The following RAB3C variants were observed in gnomAD, a reference collection of about 807,000 sequenced individuals.
RAB3C encodes the protein ras-related protein Rab-3C.
In RAB3C, 17 loss-of-function variants were observed where a neutral mutation model predicts 26.4. The observed-to-expected ratio is 0.64, with a 90% confidence interval of 0.44 to 0.97. The LOEUF is 0.97. Among genes scored for constraint, RAB3C ranks in the 50% least tolerant of loss-of-function variants. RAB3C has a pLI of 0.00. For synonymous variants in RAB3C, 91 were observed against 95.9 expected, an observed-to-expected ratio of 0.95 and a Z score of 0.30; for missense variants, 242 against 281.9, an observed-to-expected ratio of 0.86 and a Z score of 1.01.
chr5:58,591,503 C>G (rs1231486140), intron 1 of RAB3C, among the ~76,000 whole-genome samples: 1 of 151,432 alleles, frequency 6.6e-6, no homozygotes, highest in African/African-American at 2.4e-5. Context: ...TTATCTCCAG[C>G]AATACTCCTT....
intron 3 of RAB3C, among the ~76,000 whole-genome samples, chr5:58,771,726 T>G (rs1489921566): frequency 2.6e-5 from 4 of 152,142 alleles, no homozygotes; most frequent in African/African-American, 7.2e-5. Context: ...TCTCCAGAGT[T>G]AAGATCTAGA....
At chr5:58,775,182 A>G (rs970570325) in intron 3 of RAB3C, among the ~76,000 whole-genome samples, 2 of 152,096 alleles carry the variant, frequency 1.3e-5, no homozygotes, top group African/African-American at 4.8e-5. Flanking sequence ...TGTTTCACTC[A>G]TCGCCTCCAT....
chr5:58,636,990 G>T (rs939151815), intron 2 of RAB3C, among the ~76,000 whole-genome samples: 1 of 152,012 alleles, frequency 6.6e-6, no homozygotes, highest in African/African-American at 2.4e-5. Flanking sequence ...TTAATAATAG[G>T]TTAGTTATTT....
chr5:58,647,302 C>A (rs1386864468), intron 2 of RAB3C, among the ~76,000 whole-genome samples: 2 of 152,126 alleles, frequency 1.3e-5, no homozygotes, highest in African/African-American at 4.8e-5. Context: ...AGGAAACTTA[C>A]AATTATGGCA....
chr5:58,778,120 C>G (rs1742190878), intron 3 of RAB3C, among the ~76,000 whole-genome samples: 1 of 152,042 alleles, frequency 6.6e-6, no homozygotes, highest in South Asian at 2.1e-4. Flanking sequence ...CTTAACCCAT[C>G]ATTTTTCTGT....
intron 2 of RAB3C, among the ~76,000 whole-genome samples, chr5:58,716,091 G>GAA (rs35992106): frequency 1.4e-5 from 2 of 141,624 alleles, no homozygotes; most frequent in Non-Finnish European, 3.1e-5. Context: ...CTTTCAGCAG[G>GAA]AAAAAAAAAA....
At chr5:58,584,968 C>T (rs890814179) in intron 1 of RAB3C, among the ~76,000 whole-genome samples, 3 of 151,884 alleles carry the variant, frequency 2.0e-5, no homozygotes, top group African/African-American at 7.2e-5. Context: ...CTGTGATTTT[C>T]TATTTTAGTC....
chr5:58,697,322 T>C (rs1561292802), intron 2 of RAB3C, among the ~76,000 whole-genome samples: 1 of 152,232 alleles, frequency 6.6e-6, no homozygotes, highest in Non-Finnish European at 1.5e-5. Context: ...TTACAATTGC[T>C]GAGGAGTGCT....
At chr5:58,720,459 T>C (rs1285155290) in intron 2 of RAB3C, among the ~76,000 whole-genome samples, 1 of 151,896 alleles carries the variant, frequency 6.6e-6, no homozygotes, top group Non-Finnish European at 1.5e-5. Flanking sequence ...AACATTTTCT[T>C]TGGGCAAAAG....
At chr5:58,810,374 T>TCGCTCTCG in intron 3 of RAB3C, among the ~76,000 whole-genome samples, 1 of 146,476 alleles carries the variant, frequency 6.8e-6, no homozygotes, top group Non-Finnish European at 1.5e-5. Flanking sequence ...GCTCTCTCTC[T>TCGCTCTCG]CTCTCTCTCT....
At chr5:58,844,042 A>C (rs912583631) in intron 4 of RAB3C, among the ~76,000 whole-genome samples, 1 of 152,216 alleles carries the variant, frequency 6.6e-6, no homozygotes, top group African/African-American at 2.4e-5. Flanking sequence ...CTATGTTACT[A>C]TCTCTAGAGA....
rs539436565 is a variant in RAB3C at position 58,726,203 on chromosome 5, C to G, written c.371+83C>G. The G allele has an allele frequency of 5.9e-6, 4 of 677,256 alleles. No homozygotes were observed. The Middle Eastern group carries it at 7.7e-4, about 131-fold the overall frequency. The allele number at this position is 677,256 out of a possible 1,614,324, so 42.0% of individuals were successfully genotyped here. On this transcript the variant is annotated intron_variant, in intron 3 of 4. Coordinates refer to ENST00000282878, the MANE Select transcript of RAB3C (RefSeq NM_138453.4). ...CTTTCTTCCCAAAGCAGTGACCATA[C>G]CGCAATGTAATATATGTGTTTACAT...
chr5:58,852,057 G>C lies in RAB3C; in HGVS notation c.*706G>C, dbSNP rs1214481850. 6.6e-6 allele frequency: 1 copy of C among 152,170 alleles called. No individual in the cohort carries two copies. Among genetic ancestry groups the C allele is most frequent in the African/African-American group, 2.4e-5 (1 of 41,422 alleles). The allele number at this position is 152,170 out of a possible 1,614,324, so 9.4% of individuals were successfully genotyped here. On this transcript the variant is annotated 3_prime_UTR_variant, in exon 5 of 5. Transcript: ENST00000282878. ...TTCGTTTACACATTTAAATAAGCAAGTATCTACCCAGGACTGCTTTTTCCA... is the reference window on the plus strand; with the variant it reads ...TTCGTTTACACATTTAAATAAGCAACTATCTACCCAGGACTGCTTTTTCCA...
chr5:58,716,684 T>A (rs1368163288), intron 2 of RAB3C, among the ~76,000 whole-genome samples: 1 of 152,020 alleles, frequency 6.6e-6, no homozygotes, highest in Non-Finnish European at 1.5e-5. Context: ...ACTTGTGGTA[T>A]ACTTTGATGT....
At chr5:58,777,807 A>T (rs1742181562) in intron 3 of RAB3C, among the ~76,000 whole-genome samples, 1 of 148,096 alleles carries the variant, frequency 6.8e-6, no homozygotes, top group Admixed American at 6.8e-5. Flanking sequence ...CAAGGTTCTC[A>T]TTGTTCAATT....
At chr5:58,804,026 C>T (rs1374574674) in intron 3 of RAB3C, among the ~76,000 whole-genome samples, 1 of 150,668 alleles carries the variant, frequency 6.6e-6, no homozygotes, top group East Asian at 1.9e-4. Context: ...TGCCATTGCA[C>T]TCCAGCCCAG....
intron 2 of RAB3C, among the ~76,000 whole-genome samples, chr5:58,679,084 A>G (rs573953609): frequency 5.3e-5 from 8 of 152,304 alleles, no homozygotes; most frequent in African/African-American, 1.9e-4. Context: ...ACACAGTGTC[A>G]AGTCCTATGA....
chr5:58,623,960 C>A lies in RAB3C; in HGVS notation c.252+6090C>A, dbSNP rs140339481. Among the ~76,000 whole-genome samples the A allele has an allele frequency of 3.2e-4, 48 of 152,286 alleles. 1 individual carries two copies. In the East Asian group the frequency reaches 9.3e-3, roughly 29 times the overall value. The stretch of plus-strand genomic sequence containing the variant: ...ATGTAGTGGGGGGAAATAACACCTA[C>A]CCCTGAGCTGTTAAGTATTTGCTAT... On this transcript the variant is annotated intron_variant, in intron 2 of 4. Coordinates refer to ENST00000282878, the MANE Select transcript of RAB3C (RefSeq NM_138453.4).
chr5:58,823,192 G>A, intron 3 of RAB3C: 1 of 334,866 alleles, frequency 3.0e-6, no homozygotes, highest in Non-Finnish European at 5.8e-6. Flanking sequence ...CGTTCATAAA[G>A]AACAGCGAAA....
Sources: allele counts gnomAD v4.1 joint callset (sites outside exome capture counted in the v4.1 genomes callset), GRCh38; gene constraint gnomAD v4.1.1; transcripts MANE v1.5; gene names NCBI Gene and HGNC (gene_info 2026-07-23, HGNC 2026-07-21).